CNTNAP2: variants seen among roughly 807,000 people sequenced by gnomAD.
CNTNAP2 encodes the protein contactin-associated protein-like 2.
Under a neutral mutation model 155.2 loss-of-function variants are expected in CNTNAP2, and 98 were observed. The observed-to-expected ratio is 0.63, with a 90% CI of 0.54 to 0.75. The LOEUF is 0.75. CNTNAP2 is among the 30% of genes least tolerant of loss of function. The probability of loss-of-function intolerance (pLI) is 0.00; values close to 1 mark genes in which losing one functional copy is unlikely to be tolerated. For synonymous variants in CNTNAP2, 651 were observed against 631.2 expected (o/e 1.03, Z -0.47); for missense variants, 1,727 against 1,688.1 (o/e 1.02, Z -0.40).
chr7:147,588,292 C>T (rs1235308810), intron 12 of CNTNAP2, among the ~76,000 whole-genome samples: 1 of 151,852 alleles, frequency 6.6e-6, no homozygotes, highest in East Asian at 1.9e-4. Flanking sequence ...AAAGATGATC[C>T]CAGGAGAAGA....
intron 8 of CNTNAP2, among the ~76,000 whole-genome samples, chr7:147,170,889 G>T (rs1490660107): frequency 1.3e-5 from 2 of 152,172 alleles, no homozygotes; most frequent in Admixed American, 6.5e-5. Flanking sequence ...CCTCAGTGCC[G>T]TGGGGAAGCT....
chr7:146,541,892 G>A (rs1321370799), intron 1 of CNTNAP2, among the ~76,000 whole-genome samples: 1 of 151,904 alleles, frequency 6.6e-6, no homozygotes, highest in Middle Eastern at 3.2e-3. Flanking sequence ...AAATATTCTT[G>A]AATTTCCCAT....
intron 9 of CNTNAP2, among the ~76,000 whole-genome samples, chr7:147,353,108 CAT>C (rs71937220): frequency 1.0e-3 from 156 of 148,698 alleles, no homozygotes; most frequent in Admixed American, 1.8e-3. Context: ...CACACACACA[CAT>C]GTATATGTAT....
At chr7:148,118,055 C>A in intron 15 of CNTNAP2, 63 bp from the exon 16 acceptor site, 1 of 1,555,326 alleles carries the variant, frequency 6.4e-7, no homozygotes, top group East Asian at 2.2e-5. Context: ...CAATGGGTAT[C>A]TGTTACATGA....
intron 3 of CNTNAP2, among the ~76,000 whole-genome samples, chr7:146,906,215 A>T (rs1313916595): frequency 6.6e-6 from 1 of 151,834 alleles, no homozygotes; most frequent in Non-Finnish European, 1.5e-5. Flanking sequence ...GGCGGCAGCG[A>T]GGCTGGGGGA....
At chr7:146,362,605 G>T (rs1795097631) in intron 1 of CNTNAP2, among the ~76,000 whole-genome samples, 1 of 152,138 alleles carries the variant, frequency 6.6e-6, no homozygotes, top group Non-Finnish European at 1.5e-5. Context: ...TATGAGTTCA[G>T]ATGGAGGGAA....
At chr7:146,358,192 G>A (rs1210835963) in intron 1 of CNTNAP2, among the ~76,000 whole-genome samples, 1 of 151,980 alleles carries the variant, frequency 6.6e-6, no homozygotes, top group Admixed American at 6.6e-5. Flanking sequence ...CCGCCACCAT[G>A]CCCGGCTAAT....
intron 12 of CNTNAP2, among the ~76,000 whole-genome samples, chr7:147,608,490 CAG>C (rs1273173046): frequency 1.3e-5 from 2 of 151,826 alleles, no homozygotes; most frequent in African/African-American, 2.4e-5. Context: ...TTTGGAAAGA[CAG>C]AGTCTCACCG....
At chr7:148,358,178 A>C (rs577779618) in intron 21 of CNTNAP2, among the ~76,000 whole-genome samples, 1 of 152,306 alleles carries the variant, frequency 6.6e-6, no homozygotes, top group African/African-American at 2.4e-5. Flanking sequence ...ACACACAGCC[A>C]GGGGGCTGGG....
chr7:147,990,307 C>T (rs1290342769), intron 15 of CNTNAP2, among the ~76,000 whole-genome samples: 1 of 152,126 alleles, frequency 6.6e-6, no homozygotes, highest in African/African-American at 2.4e-5. Context: ...GCTCAACAGT[C>T]AAAGACAGGT....
chr7:148,371,771 G>A (rs1798889386), intron 21 of CNTNAP2, among the ~76,000 whole-genome samples: 1 of 152,172 alleles, frequency 6.6e-6, no homozygotes, highest in Non-Finnish European at 1.5e-5. Flanking sequence ...TACACACCCA[G>A]GCTCTGTGCT....
intron 6 of CNTNAP2, among the ~76,000 whole-genome samples, chr7:147,125,964 T>C (rs2129283861): frequency 6.6e-6 from 1 of 152,326 alleles, no homozygotes; most frequent in African/African-American, 2.4e-5. Context: ...CCTCTATCCC[T>C]GTTGCAAATC....
intron 1 of CNTNAP2, among the ~76,000 whole-genome samples, chr7:146,707,675 A>C (rs1417508801): frequency 6.6e-6 from 1 of 152,164 alleles, no homozygotes; most frequent in African/African-American, 2.4e-5. Flanking sequence ...GAAATGGTCA[A>C]GCTTTCCTCT....
At chr7:146,969,060 C>T (rs1466663839) in intron 3 of CNTNAP2, among the ~76,000 whole-genome samples, 3 of 150,232 alleles carry the variant, frequency 2.0e-5, no homozygotes, top group Non-Finnish European at 4.4e-5. Context: ...GCCTTCATTT[C>T]GTTATGTACC....
intron 4 of CNTNAP2, among the ~76,000 whole-genome samples, chr7:147,074,836 G>A (rs747088006): frequency 2.6e-5 from 4 of 152,088 alleles, no homozygotes; most frequent in African/African-American, 4.8e-5. Context: ...AAAACCTTCT[G>A]GGGTGAGATT....
intron 8 of CNTNAP2, among the ~76,000 whole-genome samples, chr7:147,227,850 C>A (rs1419023493): frequency 6.6e-6 from 1 of 151,982 alleles, no homozygotes; most frequent in Non-Finnish European, 1.5e-5. Context: ...GAAGAATTCC[C>A]AATATAGAGA....
chr7:148,266,408 T>C (rs1035845598), intron 20 of CNTNAP2, among the ~76,000 whole-genome samples: 7 of 152,170 alleles, frequency 4.6e-5, no homozygotes, highest in African/African-American at 1.4e-4. Context: ...ATTGGCACTT[T>C]GTCCACGGGC....
chr7:147,372,534 G>A (rs1261149101), intron 9 of CNTNAP2, among the ~76,000 whole-genome samples: 1 of 152,070 alleles, frequency 6.6e-6, no homozygotes, highest in African/African-American at 2.4e-5. Flanking sequence ...CAGAAGTCAA[G>A]AGACATAGGT....
chr7:147,763,260 A>AAAAAAAAAAAAG (rs1393420967), intron 13 of CNTNAP2, among the ~76,000 whole-genome samples: 2 of 100,872 alleles, frequency 2.0e-5, no homozygotes, highest in Non-Finnish European at 3.7e-5. Context: ...AACTCAGTCA[A>AAAAAAAAAAAAG]AAAAAAAAAA....
Sources: gnomAD v4.1 joint callset for allele counts (sites outside exome capture counted in the v4.1 genomes callset) on GRCh38, gnomAD v4.1.1 for gene constraint, MANE v1.5 for transcripts, NCBI Gene and HGNC (gene_info 2026-07-23, HGNC 2026-07-21) for gene names.